RPTOR: variants seen among roughly 807,000 people sequenced by gnomAD.
RPTOR encodes the protein regulatory associated protein of MTOR complex 1.
Under a neutral mutation model 169.9 loss-of-function variants are expected in RPTOR, and 21 were observed. The ratio of observed to expected loss-of-function variants is 0.12; its 90% CI spans 0.09 to 0.18. The LOEUF is 0.18. Ranked by LOEUF, RPTOR falls within the 10% of genes least tolerant of loss-of-function variation. The pLI is 1.00. For missense variants in RPTOR, 1,133 were observed against 1,855.9 expected (o/e 0.61, Z 7.16); for synonymous variants, 732 against 753.2 (o/e 0.97, Z 0.46).
At chr17:80,899,234 A>G (rs935310750) in intron 20 of RPTOR, among the ~76,000 whole-genome samples, 2 of 152,240 alleles carry the variant, frequency 1.3e-5, no homozygotes, top group African/African-American at 2.4e-5. Context: ...CAAGTCACCA[A>G]TGAAATATAT....
chr17:80,568,778 G>A lies in RPTOR; in HGVS notation c.162+22987G>A, dbSNP rs535321661. Among the ~76,000 whole-genome samples the A allele has an allele frequency of 2.0e-5, 3 of 152,228 alleles. No homozygotes were observed. The South Asian group carries it at 6.2e-4, about 32-fold the overall frequency. On this transcript the variant is annotated intron_variant, in intron 1 of 33. Coordinates refer to ENST00000306801, the MANE Select transcript of RPTOR (RefSeq NM_020761.3). ...TCTTTTTTTCCTCTGTGATTCAGTT[G>A]AATTGTTTCTGTTGCAATGTCTTCG... is the stretch of plus-strand genomic sequence containing the variant.
chr17:80,923,349 T>G, intron 22 of RPTOR, 141 bp from the exon 23 acceptor site: 3 of 874,168 alleles, frequency 3.4e-6, no homozygotes, highest in Middle Eastern at 2.2e-4. Context: ...GGAGCCATGA[T>G]GGCATGCTGG....
chr17:80,693,998 G>T (rs938287007), intron 3 of RPTOR, among the ~76,000 whole-genome samples: 1 of 152,246 alleles, frequency 6.6e-6, no homozygotes, highest in Non-Finnish European at 1.5e-5. Context: ...AACGGAGAGG[G>T]ACATTGTGAA....
At chr17:80,963,089 CG>C in intron 33 of RPTOR, 32 bp downstream of exon 33, 26 of 40,052 alleles carry the variant, frequency 6.5e-4, no homozygotes, top group Middle Eastern at 7.1e-3. Context: ...GGTCGGGGGT[CG>C]GGGGCTGGGG....
intron 3 of RPTOR, among the ~76,000 whole-genome samples, chr17:80,656,670 T>G (rs983750105): frequency 7.9e-5 from 12 of 152,238 alleles, no homozygotes; most frequent in African/African-American, 2.9e-4. Flanking sequence ...CTTGGGACTT[T>G]TGCCTTTGGG....
intron 3 of RPTOR, among the ~76,000 whole-genome samples, chr17:80,667,094 C>G (rs2065786412): frequency 6.6e-6 from 1 of 152,180 alleles, no homozygotes; most frequent in Non-Finnish European, 1.5e-5. Flanking sequence ...GTCTCCACGT[C>G]CCTTTCCCAG....
intron 13 of RPTOR, among the ~76,000 whole-genome samples, chr17:80,859,738 A>G (rs1214178167): frequency 6.6e-6 from 1 of 152,216 alleles, no homozygotes; most frequent in East Asian, 1.9e-4. Flanking sequence ...GGGGGTGGTC[A>G]TGTATGTGGG....
At chr17:80,667,229 C>T (rs578078911) in intron 3 of RPTOR, among the ~76,000 whole-genome samples, 4 of 152,202 alleles carry the variant, frequency 2.6e-5, no homozygotes, top group African/African-American at 4.8e-5. Context: ...AAGAGTTAGA[C>T]GGGTCTTGGA....
intron 5 of RPTOR, among the ~76,000 whole-genome samples, chr17:80,743,719 C>CTACTAGCACAGCCCTGGT (rs1567887083): frequency 5.8e-4 from 29 of 49,962 alleles, no homozygotes; most frequent in Middle Eastern, 0.013. Flanking sequence ...ACTGTCCTGG[C>CTACTAGCACAGCCCTGGT]TACGAGCACA....
chr17:80,945,672 A>T lies in RPTOR; in HGVS notation c.3031A>T (p.Thr1011Ser). 6.2e-7 allele frequency: 1 copy of T among 1,606,044 alleles called. No homozygotes were observed. The highest frequency in any genetic ancestry group is 2.2e-5 in the East Asian group (1 of 44,548). The change falls in exon 26 of 34, where the codon ACG becomes TCG. Residue 1011 changes from threonine to serine, a missense_variant. By Grantham distance (58) the Thr-to-Ser change is moderately conservative. Around this residue, in one of 9 missense-constraint regions of RPTOR, gnomAD observed 410 missense variants for 623.7 expected, o/e 0.66. Transcript: ENST00000306801. ...QAQQVIQKGITRLDDQIFLNR... is the reference protein window; with the variant it reads ...QAQQVIQKGISRLDDQIFLNR... The stretch of plus-strand genomic sequence containing the variant: ...TTGTGTGTTTCTTTTGACAGGCATT[A>T]CGAGATTGGACGACCAAATATTTCT...
chr17:80,918,430 G>A (rs547051454), intron 21 of RPTOR, among the ~76,000 whole-genome samples: 2 of 124,956 alleles, frequency 1.6e-5, no homozygotes, highest in South Asian at 2.5e-4. Context: ...TCATAGCCAC[G>A]AGCACCCTCG....
intron 5 of RPTOR, among the ~76,000 whole-genome samples, chr17:80,750,588 C>T (rs576016586): frequency 1.3e-5 from 2 of 152,232 alleles, no homozygotes; most frequent in Non-Finnish European, 1.5e-5. Flanking sequence ...ATCCCATCCA[C>T]CTGTTGTGAC....
chr17:80,854,074 A>G (rs1296639764), intron 11 of RPTOR, among the ~76,000 whole-genome samples: 3 of 152,248 alleles, frequency 2.0e-5, no homozygotes, highest in East Asian at 1.9e-4. Flanking sequence ...GAACTCTGAC[A>G]TGTCAATAAG....
At chr17:80,569,996 G>C (rs61096326) in intron 1 of RPTOR, among the ~76,000 whole-genome samples, 36,122 of 151,930 alleles carry the variant, frequency 0.24, 5,286 homozygotes, top group East Asian at 0.42. Flanking sequence ...TTGCCTTCAG[G>C]CAGGGACTCA....
intron 1 of RPTOR, among the ~76,000 whole-genome samples, chr17:80,604,590 A>G (rs999228208): frequency 1.3e-5 from 2 of 152,234 alleles, no homozygotes; most frequent in Admixed American, 6.5e-5. Context: ...CACGCCGCTA[A>G]TAAAGACATA....
At position 80,754,181 on chromosome 17, in the gene RPTOR, C is replaced by A. The variant is rs1481790013; in HGVS notation, c.826C>A (p.Arg276Ser). The stretch of plus-strand genomic sequence containing the variant: ...CACCACCCCCATCAAGATCGCCCTG[C>A]GCTGGTGAGTGGCCCCTGCTGTGCC... Reference protein sequence around the residue: ...CLTTPIKIALRWFCMQKCVSL... With the variant: ...CLTTPIKIALSWFCMQKCVSL... The change falls in exon 6 of 34, where the codon CGC (arginine) becomes AGC (serine). Residue 276 changes from arginine to serine, a missense_variant. This residue lies in a region of RPTOR where 289 missense variants were observed against 585.8 expected (regional missense o/e 0.49). Coordinates refer to ENST00000306801, the MANE Select transcript of RPTOR (RefSeq NM_020761.3). This position sits in a 1 kb window ranked among gnomAD's most constrained non-coding sequence, Gnocchi z 4.2. 6.3e-7 allele frequency: 1 copy of A among 1,597,478 alleles called. No homozygotes were observed. The highest frequency in any genetic ancestry group is 8.6e-7 in the Non-Finnish European group (1 of 1,169,334).
chr17:80,852,863 C>A (rs1325771301), intron 11 of RPTOR, among the ~76,000 whole-genome samples: 1 of 152,140 alleles, frequency 6.6e-6, no homozygotes, highest in Non-Finnish European at 1.5e-5. Flanking sequence ...AGGTGGCCGC[C>A]ATCTCCTCTC....
intron 13 of RPTOR, among the ~76,000 whole-genome samples, chr17:80,862,646 T>C (rs953074591): frequency 1.4e-5 from 2 of 147,180 alleles, no homozygotes; most frequent in Non-Finnish European, 2.9e-5. Context: ...GTGTTGCTGG[T>C]GGTCCTCCGG....
At position 80,730,734 on chromosome 17, in the gene RPTOR, T is replaced by G; in HGVS notation, c.654+28T>G. 2 of 1,163,830 alleles carry G rather than the reference T, an allele frequency of 1.7e-6. No homozygotes were observed. Among genetic ancestry groups the G allele is most frequent in the Non-Finnish European group, 1.2e-6 (1 of 848,318 alleles). The allele number at this position is 1,163,830 out of a possible 1,614,324, so 72.1% of individuals were successfully genotyped here. A position where few individuals can be genotyped will look rare whatever the true frequency, so the allele number is the denominator to read the frequency against. ...GAGCGCTCTGGTGCTTGGAGAGCGG[T>G]GCTGGGTTTGGTTTTGTTTTCCCTG... On this transcript the variant is annotated intron_variant, in intron 5 of 33. Transcript: ENST00000306801. This position sits in a 1 kb window ranked among gnomAD's most constrained non-coding sequence, Gnocchi z 4.2.
Sources: allele counts gnomAD v4.1 joint callset (sites outside exome capture counted in the v4.1 genomes callset), GRCh38; gene constraint gnomAD v4.1.1; regional missense constraint gnomAD v4.1.1; non-coding constraint Gnocchi (gnomAD v3.1); transcripts MANE v1.5; gene names NCBI Gene and HGNC (gene_info 2026-07-23, HGNC 2026-07-21).